The following CACNB2 variants were observed in gnomAD, a reference collection of about 807,000 sequenced individuals.
CACNB2 encodes voltage-dependent L-type calcium channel subunit beta-2.
A neutral mutation model predicts 73.3 loss-of-function variants in CACNB2; 42 were observed. The observed-to-expected ratio is 0.57, with a 90% CI of 0.45 to 0.74. CACNB2 has a LOEUF of 0.74. CACNB2 is among the 30% of genes least tolerant of loss of function. CACNB2 has a pLI of 0.00. For missense variants in CACNB2, 940 were observed against 853.0 expected (o/e 1.10, Z -1.27); for synonymous variants, 348 against 310.3 (o/e 1.12, Z -1.28).
rs150647002 is a variant in CACNB2 at position 18,280,528 on chromosome 10, G to A, written c.214-121396G>A. On this transcript the variant is annotated intron_variant, in intron 2 of 13. Coordinates refer to ENST00000324631, the MANE Select transcript of CACNB2 (RefSeq NM_201596.3). ...TTATAAAAAGGTACTCTCTTTGAGTGGGAAAATTAGAAAAATGCACCCTCA... is the reference window on the plus strand; with the variant it reads ...TTATAAAAAGGTACTCTCTTTGAGTAGGAAAATTAGAAAAATGCACCCTCA... 2.8e-3 allele frequency among the ~76,000 whole-genome samples: 426 copies of A among 152,186 alleles called. 2 individuals carry two copies. Among genetic ancestry groups the A allele is most frequent in the African/African-American group, 9.8e-3 (408 of 41,516 alleles).
chr10:18,386,336 G>A (rs914181864), intron 2 of CACNB2, among the ~76,000 whole-genome samples: 4 of 151,122 alleles, frequency 2.6e-5, no homozygotes, highest in Admixed American at 6.6e-5. Context: ...GTCAGCATAT[G>A]ATGACATATT....
chr10:18,400,892 C>A, intron 2 of CACNB2: 1 of 1,538,766 alleles, frequency 6.5e-7, no homozygotes, highest in Non-Finnish European at 8.7e-7. Context: ...AGTGAAAGCC[C>A]CGGAGGCAGA....
In CACNB2 at chr10:18,140,441, C is replaced by T. The variant is rs1006662842; in HGVS notation, c.-296C>T. On this transcript the variant is annotated 5_prime_UTR_variant, in exon 1 of 14. Transcript: ENST00000324631. The stretch of plus-strand genomic sequence containing the variant: ...CGATCCCCGCCGCGCTGCGCCCGCT[C>T]TCCCGGCCCCGGCTGCCCCGCTGAG... 6.6e-6 allele frequency among the ~76,000 whole-genome samples: 1 copy of T among 152,008 alleles called. No individual in the cohort carries two copies. The highest frequency in any genetic ancestry group is 6.6e-5 in the Admixed American group (1 of 15,264).
intron 3 of CACNB2, among the ~76,000 whole-genome samples, chr10:18,470,000 T>G (rs544353308): frequency 2.6e-5 from 4 of 152,282 alleles, no homozygotes; most frequent in African/African-American, 9.6e-5. Context: ...TATACTCATA[T>G]TTTTTCTTTA....
rs537053089 is a variant in CACNB2 at position 18,153,691 on chromosome 10, C to T, written c.213+2716C>T. Among the ~76,000 whole-genome samples the T allele has an allele frequency of 7.3e-5, 11 of 150,300 alleles. No homozygotes were observed. The East Asian group carries it at 2.1e-3, about 29-fold the overall frequency. On this transcript the variant is annotated intron_variant, in intron 2 of 13. Transcript: ENST00000324631. ...CTGCCTCCTGGGTTCAAGTGAGTCT[C>T]CTGCCTCAGCCTTGCGAGTAGCTGG... is the stretch of plus-strand genomic sequence containing the variant.
intron 6 of CACNB2, chr10:18,513,005 C>T (rs1002916128): frequency 1.5e-5 from 3 of 197,502 alleles, no homozygotes; most frequent in Non-Finnish European, 3.1e-5. Context: ...TCTCATCGAT[C>T]TGCTGAGCAT....
chr10:18,274,042 A>T (rs1416270364), intron 2 of CACNB2, among the ~76,000 whole-genome samples: 1 of 151,980 alleles, frequency 6.6e-6, no homozygotes, highest in Admixed American at 6.6e-5. Flanking sequence ...AGAAAGTTCC[A>T]CTCCTTGGGG....
At chr10:18,147,144 T>C (rs535338290) in intron 1 of CACNB2, among the ~76,000 whole-genome samples, 1 of 152,310 alleles carries the variant, frequency 6.6e-6, no homozygotes, top group East Asian at 1.9e-4. Flanking sequence ...TTTCATTACC[T>C]GTGAAAAGGT....
chr10:18,221,780 A>G (rs933294907), intron 2 of CACNB2, among the ~76,000 whole-genome samples: 8 of 152,232 alleles, frequency 5.3e-5, no homozygotes, highest in Non-Finnish European at 1.5e-5. Flanking sequence ...ATGTTTGAAA[A>G]TCATATCTTT....
intron 2 of CACNB2, among the ~76,000 whole-genome samples, chr10:18,337,397 C>T (rs868475955): frequency 1.3e-5 from 2 of 152,124 alleles, no homozygotes; most frequent in African/African-American, 4.8e-5. Context: ...CCACCATGCC[C>T]GGCCTACTTT....
chr10:18,234,869 C>G (rs918766685), intron 2 of CACNB2, among the ~76,000 whole-genome samples: 1 of 152,146 alleles, frequency 6.6e-6, no homozygotes, highest in Non-Finnish European at 1.5e-5. Flanking sequence ...AAGGGCCGGG[C>G]GCGGTGACTC....
At chr10:18,435,145 T>C (rs145237721) in intron 3 of CACNB2, among the ~76,000 whole-genome samples, 13 of 152,320 alleles carry the variant, frequency 8.5e-5, no homozygotes, top group African/African-American at 2.4e-4. Flanking sequence ...CTCTGCCTTC[T>C]GCGTGTCACA....
At chr10:18,151,375 GC>G (rs988392510) in intron 2 of CACNB2, 4 of 176,690 alleles carry the variant, frequency 2.3e-5, no homozygotes, top group African/African-American at 9.6e-5. Context: ...TCTCACTTGG[GC>G]TTGCATTGAA....
intron 2 of CACNB2, among the ~76,000 whole-genome samples, chr10:18,179,865 T>C (rs1293883022): frequency 6.6e-6 from 1 of 152,226 alleles, no homozygotes; most frequent in Admixed American, 6.5e-5. Context: ...TTTCCCTTAC[T>C]AGCAGAATTC....
intron 2 of CACNB2, among the ~76,000 whole-genome samples, chr10:18,194,366 A>G (rs1300790690): frequency 1.3e-5 from 2 of 152,066 alleles, no homozygotes; most frequent in Non-Finnish European, 2.9e-5. Context: ...TTCCCAATTT[A>G]CCTGACAATG....
At chr10:18,404,622 A>T (rs1048491297) in intron 3 of CACNB2, among the ~76,000 whole-genome samples, 1 of 152,332 alleles carries the variant, frequency 6.6e-6, no homozygotes, top group East Asian at 1.9e-4. Flanking sequence ...CTCACCTTAC[A>T]GATCACATGT....
chr10:18,507,748 G>A (rs1462790217), intron 6 of CACNB2, among the ~76,000 whole-genome samples: 1 of 152,182 alleles, frequency 6.6e-6, no homozygotes, highest in African/African-American at 2.4e-5. Flanking sequence ...GATACTGTGT[G>A]TGATTTCTAG....
chr10:18,174,263 C>CCTCCCT (rs1554765223), intron 2 of CACNB2, among the ~76,000 whole-genome samples: 1 of 133,844 alleles, frequency 7.5e-6, no homozygotes, highest in Non-Finnish European at 1.6e-5. Flanking sequence ...CCCTTCCCTC[C>CCTCCCT]CTCCCTCTCC....
chr10:18,396,281 A>C (rs1347529605), intron 2 of CACNB2, among the ~76,000 whole-genome samples: 5 of 152,128 alleles, frequency 3.3e-5, no homozygotes. Flanking sequence ...ATTTATGAAG[A>C]AACCAGTAAA....
Sources: gnomAD v4.1 joint callset for allele counts (sites outside exome capture counted in the v4.1 genomes callset) on GRCh38, gnomAD v4.1.1 for gene constraint, MANE v1.5 for transcripts, NCBI Gene and HGNC (gene_info 2026-07-23, HGNC 2026-07-21) for gene names.